ZNF362: variants seen among roughly 807,000 people sequenced by gnomAD.
ZNF362 encodes the protein zinc finger protein 362, also known as rotund homolog.
Under a neutral mutation model 42.9 loss-of-function variants are expected in ZNF362, and 11 were observed. That is an observed-to-expected ratio of 0.26 (90% CI 0.16 to 0.42). The LOEUF is 0.42. Among genes scored for constraint, ZNF362 ranks in the 20% least tolerant of loss-of-function variants. The pLI, the probability that ZNF362 is intolerant of heterozygous loss-of-function variation, is 1.00. For synonymous variants in ZNF362, 255 were observed against 257.3 expected (o/e 0.99, Z 0.09); for missense variants, 362 against 576.2 (o/e 0.63, Z 3.81).
the ZNF362 span, among the ~76,000 whole-genome samples, chr1:33,221,239 C>T: frequency 3.9e-5 from 6 of 152,252 alleles, no homozygotes; most frequent in Admixed American, 1.3e-4. Flanking sequence ...AAACCCCAGC[C>T]GCAGGCAGAG....
At chr1:33,159,738 A>T in the ZNF362 span, 1 of 1,612,742 alleles carries the variant, frequency 6.2e-7, no homozygotes, top group African/African-American at 1.3e-5. The surrounding 1 kb of genome is among the most constrained non-coding windows in gnomAD (Gnocchi z 4.2). Flanking sequence ...GGTCGGTTTC[A>T]GCCAGCCGCT....
chr1:33,262,203 TC>T (rs1645832609), intron 1 of ZNF362, among the ~76,000 whole-genome samples: 1 of 151,706 alleles, frequency 6.6e-6, no homozygotes, highest in African/African-American at 2.4e-5. Flanking sequence ...CCTGCCTTGT[TC>T]CCTGCCTCAT....
chr1:33,176,314 G>T, the ZNF362 span: 1 of 602,220 alleles, frequency 1.7e-6, no homozygotes, highest in South Asian at 1.8e-5. Flanking sequence ...CCCTCTCCTG[G>T]AAGAAACCAG....
chr1:33,269,444 T>C (rs1645886355), intron 1 of ZNF362, among the ~76,000 whole-genome samples: 1 of 152,148 alleles, frequency 6.6e-6, no homozygotes, highest in Non-Finnish European at 1.5e-5. Context: ...TATTTTTGCC[T>C]CCTTTGTAAT....
At chr1:33,181,298 C>G in the ZNF362 span, 39 of 1,553,728 alleles carry the variant, frequency 2.5e-5, no homozygotes, top group African/African-American at 5.0e-4. The surrounding 1 kb of genome is among the most constrained non-coding windows in gnomAD (Gnocchi z 6.5). Flanking sequence ...CGCGGGCGCC[C>G]TGCGCCTCCT....
At chr1:33,148,129 G>C in the ZNF362 span, among the ~76,000 whole-genome samples, 4 of 152,166 alleles carry the variant, frequency 2.6e-5, no homozygotes, top group African/African-American at 9.7e-5. Flanking sequence ...ATTGGTGAGT[G>C]TGTTCAGGTT....
At position 33,280,025 on chromosome 1, in the gene ZNF362, A is replaced by G; in HGVS notation, c.350-99A>G. The G allele has an allele frequency of 2.9e-6, 4 of 1,398,950 alleles. No homozygotes were observed. Among genetic ancestry groups the G allele is most frequent in the Middle Eastern group, 1.9e-4 (1 of 5,160 alleles). 86.7% of individuals were successfully genotyped at this position (1,398,950 alleles called of 1,614,324 possible). Reference sequence around the variant, plus strand: ...CCCTGGGTAATAACTTATGAACGTTAAGGGGATGCTCGCCTGCCAAAATCA... The same window carrying G: ...CCCTGGGTAATAACTTATGAACGTTGAGGGGATGCTCGCCTGCCAAAATCA... On this transcript the variant is annotated intron_variant, in intron 4 of 8. Transcript: ENST00000539719. The surrounding 1 kb of genome is among the most constrained non-coding windows in gnomAD (Gnocchi z 5.6).
intron 8 of ZNF362, among the ~76,000 whole-genome samples, chr1:33,296,604 G>A (rs559004505): frequency 3.3e-5 from 5 of 151,980 alleles, no homozygotes; most frequent in Non-Finnish European, 5.9e-5. Context: ...CAACACTTAG[G>A]TGAAGCCTTG....
At chr1:33,287,743 G>A (rs1029187327) in intron 6 of ZNF362, among the ~76,000 whole-genome samples, 1 of 152,100 alleles carries the variant, frequency 6.6e-6, no homozygotes, top group Admixed American at 6.6e-5. Flanking sequence ...TAATAACAAC[G>A]ACAACTATTC....
At chr1:33,257,697 G>T in intron 1 of ZNF362, among the ~76,000 whole-genome samples, 1 of 152,120 alleles carries the variant, frequency 6.6e-6, no homozygotes, top group East Asian at 1.9e-4. Flanking sequence ...GGCAAGAGGG[G>T]CTCAGAATGG....
At chr1:33,202,043 TA>T in the ZNF362 span, among the ~76,000 whole-genome samples, 1 of 152,162 alleles carries the variant, frequency 6.6e-6, no homozygotes, top group Admixed American at 6.5e-5. Context: ...CCTCAAAAGA[TA>T]AAAACTACCA....
the ZNF362 span, among the ~76,000 whole-genome samples, chr1:33,143,608 G>A: frequency 6.6e-6 from 1 of 152,136 alleles, no homozygotes; most frequent in African/African-American, 2.4e-5. Context: ...AGAAACCCAG[G>A]CGAGTCAATG....
intron 1 of ZNF362, among the ~76,000 whole-genome samples, chr1:33,259,882 C>T (rs1194901239): frequency 6.6e-6 from 1 of 152,224 alleles, no homozygotes; most frequent in East Asian, 1.9e-4. Flanking sequence ...GATTAGGTCC[C>T]ATTGTGTCAC....
chr1:33,200,631 C>A, the ZNF362 span, among the ~76,000 whole-genome samples: 8 of 152,104 alleles, frequency 5.3e-5, no homozygotes, highest in East Asian at 9.6e-4. Flanking sequence ...CATAGCCAAT[C>A]AAAATGAAGT....
the ZNF362 span, among the ~76,000 whole-genome samples, chr1:33,203,099 T>C: frequency 1.3e-5 from 2 of 152,150 alleles, no homozygotes; most frequent in African/African-American, 4.8e-5. Flanking sequence ...TCATCCTACA[T>C]AGCTACAACA....
chr1:33,197,099 T>C, the ZNF362 span, among the ~76,000 whole-genome samples: 1 of 152,214 alleles, frequency 6.6e-6, no homozygotes, highest in Non-Finnish European at 1.5e-5. Flanking sequence ...GATGCTTTCT[T>C]CTGCTCCTCC....
the ZNF362 span, among the ~76,000 whole-genome samples, chr1:33,177,107 A>G: frequency 6.6e-6 from 1 of 151,632 alleles, no homozygotes; most frequent in Non-Finnish European, 1.5e-5. The surrounding 1 kb of genome is among the most constrained non-coding windows in gnomAD (Gnocchi z 4.1). Flanking sequence ...ACACATGCAC[A>G]CACACATGCA....
chr1:33,153,512 AG>A, the ZNF362 span, among the ~76,000 whole-genome samples: 9 of 152,340 alleles, frequency 5.9e-5, no homozygotes, highest in East Asian at 1.7e-3. Context: ...GATAGAGGCC[AG>A]GGATGCCACT....
the ZNF362 span, among the ~76,000 whole-genome samples, chr1:33,238,805 C>T: frequency 6.6e-6 from 1 of 152,060 alleles, no homozygotes; most frequent in Non-Finnish European, 1.5e-5. Context: ...CTCTCCCTCT[C>T]GACGTATGCA....
Sources: allele counts gnomAD v4.1 joint callset (sites outside exome capture counted in the v4.1 genomes callset), GRCh38; gene constraint gnomAD v4.1.1; non-coding constraint Gnocchi (gnomAD v3.1); transcripts MANE v1.5; gene names NCBI Gene and HGNC (gene_info 2026-07-23, HGNC 2026-07-21).